Variants in LDAF1 observed in about 807,000 individuals in gnomAD.
The protein encoded by LDAF1 is PROMETHIN.
A neutral mutation model predicts 13.5 loss-of-function variants in LDAF1; 7 were observed. The ratio of observed to expected loss-of-function variants is 0.52; its 90% confidence interval spans 0.29 to 0.97. The LOEUF is 0.97. Ranked by LOEUF, LDAF1 falls within the 50% of genes least tolerant of loss-of-function variation. The pLI is 0.07. For synonymous variants in LDAF1, 69 were observed against 77.1 expected, an observed-to-expected ratio of 0.89 and a Z score of 0.55; for missense variants, 148 against 193.2, an observed-to-expected ratio of 0.77 and a Z score of 1.39.
At chr16:21,172,585 C>G (rs930689062) in intron 3 of LDAF1, 1 of 152,214 alleles carries the variant, frequency 6.6e-6, no homozygotes, top group African/African-American at 2.4e-5. Flanking sequence ...TATGATCATG[C>G]CACTGCACTC....
intron 3 of LDAF1, chr16:21,172,831 C>A: frequency 2.0e-6 from 2 of 985,380 alleles, no homozygotes; most frequent in South Asian, 9.4e-5. Flanking sequence ...AGGCAGCACA[C>A]CTGTTGATGT....
rs1403098172 is a variant in LDAF1, at chr16:21,179,806, C to T, written c.*250C>T. 1 of 424,332 alleles carries T rather than the reference C, an allele frequency of 2.4e-6. No homozygotes were observed. The highest frequency in any genetic ancestry group is 4.7e-5 in the East Asian group (1 of 21,326). The allele number at this position is 424,332 out of a possible 1,614,324, so 26.3% of individuals were successfully genotyped here. A position where few individuals can be genotyped will look rare whatever the true frequency, so the allele number is the denominator to read the frequency against. On this transcript the variant is annotated 3_prime_UTR_variant, in exon 5 of 5. Transcript: ENST00000233047. ...GCTCGCCCTGCCCCAAGTATGCAGACTTGACCTTGGCGGGGTCCTGGGCTT... is the reference window on the plus strand; with the variant it reads ...GCTCGCCCTGCCCCAAGTATGCAGATTTGACCTTGGCGGGGTCCTGGGCTT...
chr16:21,159,296 G>C (rs746604596), intron 1 of LDAF1: 1 of 1,583,564 alleles, frequency 6.3e-7, no homozygotes, highest in South Asian at 1.1e-5. Flanking sequence ...CAGTCTCTGT[G>C]CCTTCTGGGA....
intron 2 of LDAF1, among the ~76,000 whole-genome samples, chr16:21,167,696 G>GTTTTTTTTTTTTTTTTTTTTTTTTT (rs778992036): frequency 1.1e-5 from 1 of 89,092 alleles, no homozygotes; most frequent in Non-Finnish European, 2.0e-5. Context: ...CCTTAGGTTT[G>GTTTTTTTTTTTTTTTTTTTTTTTTT]TTTTTTTTTT....
At chr16:21,165,899 G>A (rs922068126) in intron 2 of LDAF1, among the ~76,000 whole-genome samples, 25 of 151,956 alleles carry the variant, frequency 1.6e-4, no homozygotes, top group African/African-American at 5.6e-4. Context: ...TCGCTCTGTC[G>A]CCCAGGCTGG....
At position 21,179,700 on chromosome 16, in the gene LDAF1, G is replaced by A. The variant is rs1388246981; in HGVS notation, c.*144G>A. On this transcript the variant is annotated 3_prime_UTR_variant, in exon 5 of 5. Transcript: ENST00000233047. ...CTTTTTCACTTACTTGTAGGATCCC[G>A]CAGCAGCCAATTTAGGGATTGTGTT... 2.0e-5 allele frequency: 13 copies of A among 647,006 alleles called. No homozygotes were observed. Among genetic ancestry groups the A allele is most frequent in the Non-Finnish European group, 3.1e-5 (12 of 381,490 alleles). The allele number at this position is 647,006 out of a possible 1,614,324, so 40.1% of individuals were successfully genotyped here.
intron 1 of LDAF1, chr16:21,159,993 T>G: frequency 1.0e-6 from 1 of 984,774 alleles, no homozygotes; most frequent in East Asian, 1.1e-4. Flanking sequence ...TCCAAAGGGT[T>G]TCTTGTTTTA....
In LDAF1 at chr16:21,170,509, G is replaced by A. The variant is rs776128384; in HGVS notation, c.169G>A (p.Val57Met). The change falls in exon 3 of 5, where the codon GTG (valine) becomes ATG (methionine). Residue 57 changes from valine (V) to methionine (M), a missense_variant. By Grantham distance (21) the Val-to-Met change is conservative (BLOSUM62 1). Coordinates refer to ENST00000233047, the MANE Select transcript of LDAF1 (RefSeq NM_001301771.2). ...SHPFLAFTLL[V>M]FIVMSAVPVG... ...TCCGTTTCTGGCCTTCACCTTGCTGGTGTTCATTGTCATGTCGGCCGTTCC... is the reference window on the plus strand; with the variant it reads ...TCCGTTTCTGGCCTTCACCTTGCTGATGTTCATTGTCATGTCGGCCGTTCC... 1.9e-6 allele frequency: 3 copies of A among 1,613,996 alleles called. No homozygotes were observed. The highest frequency in any genetic ancestry group is 2.5e-6 in the Non-Finnish European group (3 of 1,180,036).
chr16:21,165,493 TGCC>T, intron 2 of LDAF1: 1 of 635,846 alleles, frequency 1.6e-6, no homozygotes, highest in Non-Finnish European at 2.0e-6. Flanking sequence ...TATATCCCTG[TGCC>T]ATACAGTCCC....
At chr16:21,159,789 C>A in intron 1 of LDAF1, 1 of 403,704 alleles carries the variant, frequency 2.5e-6, no homozygotes, top group Non-Finnish European at 3.4e-6. Flanking sequence ...ACTCCCCAAA[C>A]CGGTCTGGGT....
chr16:21,159,969 C>G (rs920803382), intron 1 of LDAF1: 111 of 985,140 alleles, frequency 1.1e-4, no homozygotes, highest in Non-Finnish European at 1.3e-4. Flanking sequence ...TTAGTCCCCT[C>G]CTCAACTTTC....
Position 21,161,122 on chromosome 16 carries a change from T to TA in LDAF1, c.-61_-60insA, listed in dbSNP as rs1597525259. ...CGACATGAGAGATTGGACCGCGGGCTGCACTGGAGAATTTACTGGTAGGAT... is the reference window on the plus strand; with the variant it reads ...CGACATGAGAGATTGGACCGCGGGCTAGCACTGGAGAATTTACTGGTAGGAT... On this transcript the variant is annotated 5_prime_UTR_variant, in exon 2 of 5. It introduces an in-frame stop codon into an upstream open reading frame of the 5' UTR. Transcript: ENST00000233047. 6.2e-7 allele frequency: 1 copy of TA among 1,600,310 alleles called. No individual in the cohort carries two copies. The highest frequency in any genetic ancestry group is 2.2e-5 in the East Asian group (1 of 44,758).
intron 2 of LDAF1, among the ~76,000 whole-genome samples, chr16:21,163,212 GGCACTAA>G (rs1597531438): frequency 1.3e-5 from 2 of 152,106 alleles, no homozygotes; most frequent in East Asian, 3.8e-4. Flanking sequence ...GCATAAACGT[GGCACTAA>G]ATAGACCACA....
chr16:21,166,853 G>T (rs1019955669), intron 2 of LDAF1: 31 of 1,535,568 alleles, frequency 2.0e-5, no homozygotes, highest in Non-Finnish European at 2.1e-5. Context: ...CCCCAACACA[G>T]CAGGATCTCA....
intron 3 of LDAF1, among the ~76,000 whole-genome samples, chr16:21,171,206 C>G (rs545667986): frequency 6.6e-6 from 1 of 152,304 alleles, no homozygotes; most frequent in Admixed American, 6.5e-5. Context: ...TACCAACAGT[C>G]AACTTCTCCC....
chr16:21,159,254 A>G lies in LDAF1; in HGVS notation c.-99+508A>G, dbSNP rs2092933156. 4 of 1,316,118 alleles carry G rather than the reference A, an allele frequency of 3.0e-6. No individual in the cohort carries two copies. In the South Asian group the frequency reaches 3.5e-5, roughly 12 times the overall value. 81.5% of individuals were successfully genotyped at this position (1,316,118 alleles called of 1,614,324 possible). A position where few individuals can be genotyped will look rare whatever the true frequency, so the allele number is the denominator to read the frequency against. ...TTCTTTACCCCCAAATTAATAACTA[A>G]GTACTCGACTCCCCTCTGAGTTCCC... is the stretch of plus-strand genomic sequence containing the variant. On this transcript the variant is annotated intron_variant, in intron 1 of 4. Transcript: ENST00000233047.
chr16:21,170,366 C>A, intron 2 of LDAF1, 71 bp from the exon 3 acceptor site: 1 of 1,596,094 alleles, frequency 6.3e-7, no homozygotes, highest in South Asian at 1.1e-5. Context: ...ATTCCCACAG[C>A]TTGGGCAGAT....
intron 2 of LDAF1, among the ~76,000 whole-genome samples, chr16:21,163,567 C>T (rs1225632512): frequency 6.6e-6 from 1 of 152,128 alleles, no homozygotes; most frequent in African/African-American, 2.4e-5. Flanking sequence ...ATCGCTTGAA[C>T]CCAGGAGGTG....
intron 3 of LDAF1, among the ~76,000 whole-genome samples, chr16:21,171,615 G>A (rs1429830644): frequency 6.6e-6 from 1 of 152,192 alleles, no homozygotes; most frequent in Admixed American, 6.6e-5. Context: ...AAGCTTTACA[G>A]CAGACAAGAC....
Sources: allele counts gnomAD v4.1 joint callset (sites outside exome capture counted in the v4.1 genomes callset), GRCh38; gene constraint gnomAD v4.1.1; transcripts MANE v1.5; gene names NCBI Gene and HGNC (gene_info 2026-07-23, HGNC 2026-07-21).